Variants in TPRG1 observed in about 807,000 individuals in gnomAD.
TPRG1 encodes the protein tumor protein p63 regulated 1, also known as tumor protein p63-regulated gene 1 protein.
In TPRG1, 29 loss-of-function variants were observed where a neutral mutation model predicts 29.3. The ratio of observed to expected loss-of-function variants is 0.99; its 90% CI spans 0.74 to 1.35. TPRG1 has a LOEUF of 1.35. Among genes scored for constraint, TPRG1 ranks in the 40% most tolerant of loss-of-function variants. The pLI is 0.00. For missense variants in TPRG1, 327 were observed against 335.0 expected (o/e 0.98, Z 0.19); for synonymous variants, 130 against 116.8 (o/e 1.11, Z -0.73).
At chr3:189,187,910 T>C (rs1731164102) in intron 1 of TPRG1, among the ~76,000 whole-genome samples, 1 of 152,222 alleles carries the variant, frequency 6.6e-6, no homozygotes, top group African/African-American at 2.4e-5. Context: ...CTTTGAGTTG[T>C]AGTGAATAAT....
At chr3:189,018,401 T>G (rs1441161082) in intron 3 of TPRG1, among the ~76,000 whole-genome samples, 1 of 148,566 alleles carries the variant, frequency 6.7e-6, no homozygotes. Context: ...TTGAATTGAT[T>G]TTTGTATAAG....
At chr3:189,169,199 C>G (rs1728507149), upstream of TPRG1, among the ~76,000 whole-genome samples, 2 of 152,212 alleles carry the variant, frequency 1.3e-5, no homozygotes, top group African/African-American at 4.8e-5. Flanking sequence ...GAGTCTCACT[C>G]TGGTGCCCAG....
chr3:189,301,856 C>T (rs1423775502), intron 4 of TPRG1, among the ~76,000 whole-genome samples: 1 of 152,156 alleles, frequency 6.6e-6, no homozygotes, highest in Admixed American at 6.5e-5. Flanking sequence ...TCAGTGACTC[C>T]TCACTAGCTT....
At chr3:189,245,200 G>A (rs555409118) in intron 4 of TPRG1, among the ~76,000 whole-genome samples, 2 of 152,100 alleles carry the variant, frequency 1.3e-5, no homozygotes, top group Admixed American at 1.3e-4. Flanking sequence ...GGGATTACAG[G>A]TGTGAGCCAC....
intron 4 of TPRG1, among the ~76,000 whole-genome samples, chr3:189,241,347 C>T (rs576415681): frequency 9.2e-5 from 14 of 151,934 alleles, no homozygotes; most frequent in East Asian, 1.9e-4. Context: ...ATTTGAAGAA[C>T]GATATGTGTT....
At chr3:189,174,059 T>C (rs1029609588) in intron 1 of TPRG1, among the ~76,000 whole-genome samples, 71 of 152,170 alleles carry the variant, frequency 4.7e-4, no homozygotes, top group Non-Finnish European at 6.2e-4. Flanking sequence ...ATTTTTATAT[T>C]TTCTGGGATC....
In TPRG1 at chr3:189,161,902, T is replaced by C. The variant is rs142448384; in HGVS notation, c.-10+11030T>C. On this transcript the variant is annotated intron_variant, in intron 5 of 6. Coordinates refer to the TPRG1 transcript ENST00000412373. ...GTGAAGAGAAATGGAGAGAGCTTCA[T>C]GGAGGAGGTAACTTTAGACCAGAAT... Among the ~76,000 whole-genome samples the C allele has an allele frequency of 7.4e-4, 112 of 152,308 alleles. No homozygotes were observed. The East Asian group carries it at 0.016, about 22-fold the overall frequency.
chr3:189,157,940 C>T (rs113939946), intron 5 of TPRG1, among the ~76,000 whole-genome samples: 180 of 152,244 alleles, frequency 1.2e-3, no homozygotes, highest in African/African-American at 4.0e-3. Context: ...TAGAGACTAA[C>T]GAAGACTTAA....
upstream of TPRG1, among the ~76,000 whole-genome samples, chr3:189,169,372 C>T (rs746741686): frequency 5.3e-5 from 8 of 152,116 alleles, no homozygotes; most frequent in Non-Finnish European, 1.2e-4. Flanking sequence ...ACCATGTTGG[C>T]CACGCTGGTC....
At chr3:189,144,926 G>A (rs1725046452) in intron 3 of TPRG1, among the ~76,000 whole-genome samples, 1 of 152,200 alleles carries the variant, frequency 6.6e-6, no homozygotes, top group Admixed American at 6.5e-5. Flanking sequence ...ACGGGCAGGT[G>A]AATAAAAATG....
At chr3:189,066,103 T>C (rs1226411553) in intron 4 of TPRG1, among the ~76,000 whole-genome samples, 1 of 152,088 alleles carries the variant, frequency 6.6e-6, no homozygotes, top group Non-Finnish European at 1.5e-5. Context: ...ACATACAGCC[T>C]ACCAAGTTTA....
intron 4 of TPRG1, among the ~76,000 whole-genome samples, chr3:189,069,397 G>T (rs1211197409): frequency 6.6e-6 from 1 of 152,196 alleles, no homozygotes; most frequent in Non-Finnish European, 1.5e-5. Flanking sequence ...AAACATGAGA[G>T]ATTCTTTCGG....
intron 1 of TPRG1, among the ~76,000 whole-genome samples, chr3:189,205,705 A>G (rs1734221017): frequency 6.6e-6 from 1 of 152,240 alleles, no homozygotes; most frequent in African/African-American, 2.4e-5. Flanking sequence ...CATTGATAAC[A>G]TGCTCACTGT....
At chr3:189,095,110 G>A (rs1329719637) in intron 4 of TPRG1, among the ~76,000 whole-genome samples, 1 of 152,190 alleles carries the variant, frequency 6.6e-6, no homozygotes. Context: ...CAGAGAGGTT[G>A]TGTGAAGGTG....
intron 4 of TPRG1, among the ~76,000 whole-genome samples, chr3:189,263,117 G>C (rs1403228197): frequency 6.6e-6 from 1 of 152,248 alleles, no homozygotes; most frequent in East Asian, 1.9e-4. Flanking sequence ...TCCTGGGGAG[G>C]CTCTTCCAGA....
intron 1 of TPRG1, among the ~76,000 whole-genome samples, chr3:189,117,951 G>T (rs918702107): frequency 6.6e-6 from 1 of 152,184 alleles, no homozygotes; most frequent in African/African-American, 2.4e-5. Context: ...ACCCGAAAAC[G>T]TGGAAGTGAC....
chr3:189,032,643 A>G (rs1287366357), intron 4 of TPRG1, among the ~76,000 whole-genome samples: 1 of 151,268 alleles, frequency 6.6e-6, no homozygotes, highest in African/African-American at 2.4e-5. Flanking sequence ...CATGTGCACA[A>G]TGTGCAGGTT....
At chr3:189,061,494 G>A (rs1716098772) in intron 4 of TPRG1, among the ~76,000 whole-genome samples, 1 of 152,148 alleles carries the variant, frequency 6.6e-6, no homozygotes, top group Non-Finnish European at 1.5e-5. Context: ...TATTAACAGA[G>A]TAAACAGACA....
At chr3:189,220,785 A>G (rs1736823997) in intron 3 of TPRG1, among the ~76,000 whole-genome samples, 1 of 152,120 alleles carries the variant, frequency 6.6e-6, no homozygotes, top group African/African-American at 2.4e-5. Flanking sequence ...ATTCTTTTTT[A>G]TGTCTGCATA....
Sources: allele counts gnomAD v4.1 joint callset (sites outside exome capture counted in the v4.1 genomes callset), GRCh38; gene constraint gnomAD v4.1.1; transcripts MANE v1.5; gene names NCBI Gene and HGNC (gene_info 2026-07-23, HGNC 2026-07-21).